ATP2B2: variants seen among roughly 807,000 people sequenced by gnomAD.
The protein encoded by ATP2B2 is plasma membrane calcium-transporting ATPase 2.
Under a neutral mutation model 120.0 loss-of-function variants are expected in ATP2B2, and 15 were observed. The ratio of observed to expected loss-of-function variants is 0.12; its 90% CI spans 0.08 to 0.19. The LOEUF is 0.19. Ranked by LOEUF, ATP2B2 falls within the 10% of genes least tolerant of loss-of-function variation. ATP2B2 has a pLI of 1.00. For synonymous variants in ATP2B2, 694 were observed against 700.3 expected (o/e 0.99, Z 0.14); for missense variants, 1,045 against 1,719.8 (o/e 0.61, Z 6.94).
chr3:10,348,715 G>A (rs1428202733), intron 16 of ATP2B2, among the ~76,000 whole-genome samples: 1 of 152,264 alleles, frequency 6.6e-6, no homozygotes, highest in Non-Finnish European at 1.5e-5. Context: ...TAGAGGCAGT[G>A]TTGGGTCCAG....
chr3:10,523,843 G>GAA (rs34082054), intron 3 of ATP2B2, among the ~76,000 whole-genome samples: 299 of 139,634 alleles, frequency 2.1e-3, no homozygotes, highest in East Asian at 5.3e-3. Context: ...CTAAAATGCA[G>GAA]AAAAAAAAAA....
intron 18 of ATP2B2, among the ~76,000 whole-genome samples, chr3:10,345,143 CT>C (rs928508635): frequency 7.2e-5 from 11 of 152,306 alleles, no homozygotes; most frequent in Admixed American, 6.5e-4. Flanking sequence ...CTCCCATTTG[CT>C]GGGTGACCTT....
At chr3:10,415,710 C>T (rs9839473) in intron 2 of ATP2B2, among the ~76,000 whole-genome samples, 5,570 of 152,158 alleles carry the variant, frequency 0.037, 322 homozygotes, top group African/African-American at 0.12. Context: ...GAATGGCGTT[C>T]GAGATTCAAT....
intron 1 of ATP2B2, among the ~76,000 whole-genome samples, chr3:10,642,151 T>C (rs2070191214): frequency 1.3e-5 from 2 of 152,226 alleles, no homozygotes; most frequent in African/African-American, 4.8e-5. Context: ...AATCTGGCTT[T>C]GTCACTTCCA....
intron 1 of ATP2B2, among the ~76,000 whole-genome samples, chr3:10,496,481 A>G (rs1433097909): frequency 2.0e-5 from 3 of 152,206 alleles, no homozygotes; most frequent in Non-Finnish European, 4.4e-5. Flanking sequence ...GGCAGAGCCA[A>G]ACCTGGGGCG....
Position 10,449,581 on chromosome 3 carries a change from CAGCGCTGGACA to C in ATP2B2, c.-49_-39del, listed in dbSNP as rs763736366. On this transcript the variant is annotated 5_prime_UTR_variant, in exon 2 of 23. Coordinates refer to ENST00000360273, the MANE Select transcript of ATP2B2 (RefSeq NM_001001331.4). ...CCTTGCTCGGGCTGGGCCCAAGGGTCAGCGCTGGACAAGAGGCTGCCGGGTGATGGCTGCTT... is the reference window on the plus strand; with the variant it reads ...CCTTGCTCGGGCTGGGCCCAAGGGTCAGAGGCTGCCGGGTGATGGCTGCTT... The C allele has an allele frequency of 6.2e-7, 1 of 1,612,676 alleles. No individual in the cohort carries two copies. The highest frequency in any genetic ancestry group is 1.1e-5 in the South Asian group (1 of 90,990).
At chr3:10,374,427 C>T (rs960609109) in intron 11 of ATP2B2, among the ~76,000 whole-genome samples, 2 of 152,222 alleles carry the variant, frequency 1.3e-5, no homozygotes, top group Admixed American at 6.5e-5. Context: ...TATGAAATTA[C>T]ATCGGAGAGC....
chr3:10,443,074 T>G (rs557152257), intron 2 of ATP2B2, among the ~76,000 whole-genome samples: 1 of 152,240 alleles, frequency 6.6e-6, no homozygotes, highest in Non-Finnish European at 1.5e-5. Flanking sequence ...AGCTCATGCC[T>G]AGCACCCTGG....
intron 1 of ATP2B2, among the ~76,000 whole-genome samples, chr3:10,456,895 T>G (rs1022208187): frequency 6.6e-6 from 1 of 152,246 alleles, no homozygotes; most frequent in South Asian, 2.1e-4. Context: ...TCCTCCATGC[T>G]GAACCCAAGG....
At chr3:10,348,456 A>C (rs1400805689) in intron 16 of ATP2B2, among the ~76,000 whole-genome samples, 3 of 152,198 alleles carry the variant, frequency 2.0e-5, no homozygotes, top group Admixed American at 2.0e-4. Flanking sequence ...GGTGCAGGCC[A>C]TGACGGGGTG....
intron 1 of ATP2B2, among the ~76,000 whole-genome samples, chr3:10,456,904 G>A (rs1002043522): frequency 5.3e-5 from 8 of 152,250 alleles, no homozygotes; most frequent in African/African-American, 1.9e-4. Context: ...CTGAACCCAA[G>A]GAAACAGGTG....
chr3:10,681,891 G>A (rs967543687), intron 1 of ATP2B2, among the ~76,000 whole-genome samples: 1 of 152,158 alleles, frequency 6.6e-6, no homozygotes, highest in Non-Finnish European at 1.5e-5. Flanking sequence ...TTTGCAATTT[G>A]GTATAGAGAA....
At chr3:10,422,094 C>T (rs2062999985) in intron 2 of ATP2B2, among the ~76,000 whole-genome samples, 1 of 152,196 alleles carries the variant, frequency 6.6e-6, no homozygotes, top group Non-Finnish European at 1.5e-5. Flanking sequence ...TCTGATTCCA[C>T]CATCCCCTAG....
intron 2 of ATP2B2, among the ~76,000 whole-genome samples, chr3:10,447,775 G>C (rs2063890624): frequency 6.6e-6 from 1 of 152,212 alleles, no homozygotes; most frequent in Non-Finnish European, 1.5e-5. Context: ...GCCACAAGCA[G>C]CTGTTTTTAA....
Position 10,386,510 on chromosome 3 carries a change from C to G in ATP2B2, c.910G>C (p.Val304Leu). Reference protein sequence around the residue: ...EEEEKKDKKGVKKGDGLQLPA... With the variant: ...EEEEKKDKKGLKKGDGLQLPA... ...AGCTGAAGGCCATCCCCCTTCTTCA[C>G]ACCTGTGTGATGATTTTTGAGACAT... The change falls in exon 7 of 23, where the codon GTG (valine) becomes CTG (leucine). Residue 304 changes from valine (V) to leucine (L), a missense_variant and splice_region_variant. Coordinates refer to ENST00000360273, the MANE Select transcript of ATP2B2 (RefSeq NM_001001331.4). 1 of 1,614,190 alleles carries G rather than the reference C, an allele frequency of 6.2e-7. No homozygotes were observed. The highest frequency in any genetic ancestry group is 8.5e-7 in the Non-Finnish European group (1 of 1,180,002).
In ATP2B2 at chr3:10,635,596, T is replaced by C. The variant is rs562630187; in HGVS notation, c.-459-15635A>G. Among the ~76,000 whole-genome samples, 175 of 152,266 alleles carry C rather than the reference T, an allele frequency of 1.1e-3. No homozygotes were observed. The highest frequency in any genetic ancestry group is 4.1e-3 in the African/African-American group (169 of 41,564). On this transcript the variant is annotated intron_variant, in intron 1 of 21. Coordinates refer to the ATP2B2 transcript ENST00000646379. The surrounding 1 kb of genome is among the most constrained non-coding windows in gnomAD (Gnocchi z 4.3). ...AAGAATCAGAAGCAGCTGCCTAGAA[T>C]GATCTGCCACAATTTGGCCCTAGTG...
intron 1 of ATP2B2, among the ~76,000 whole-genome samples, chr3:10,638,564 A>C (rs1471530921): frequency 1.2e-4 from 18 of 152,248 alleles, no homozygotes; most frequent in Admixed American, 1.2e-3. Context: ...AAAAGTGCAC[A>C]AAAACACAGG....
At chr3:10,538,340 A>G (rs1308609195) in intron 2 of ATP2B2, among the ~76,000 whole-genome samples, 1 of 152,226 alleles carries the variant, frequency 6.6e-6, no homozygotes, top group Non-Finnish European at 1.5e-5. Context: ...TATTCCCATC[A>G]ATAGAAAAAG....
intron 1 of ATP2B2, among the ~76,000 whole-genome samples, chr3:10,643,541 A>G (rs1475813803): frequency 6.6e-6 from 1 of 152,240 alleles, no homozygotes; most frequent in Non-Finnish European, 1.5e-5. Flanking sequence ...TCCCATCTCC[A>G]TTGTGGGGCA....
Sources: allele counts gnomAD v4.1 joint callset (sites outside exome capture counted in the v4.1 genomes callset), GRCh38; gene constraint gnomAD v4.1.1; non-coding constraint Gnocchi (gnomAD v3.1); transcripts MANE v1.5; gene names NCBI Gene and HGNC (gene_info 2026-07-23, HGNC 2026-07-21).